The following SYT7 variants were observed in gnomAD, a reference collection of about 807,000 sequenced individuals.
SYT7 encodes synaptotagmin-7.
A neutral mutation model predicts 75.1 loss-of-function variants in SYT7; 29 were observed. The ratio of observed to expected loss-of-function variants is 0.39; its 90% CI spans 0.29 to 0.53. The LOEUF (loss-of-function observed/expected upper bound fraction) is 0.53, where lower values mean the gene tolerates loss of function less well. SYT7 is among the 20% of genes least tolerant of loss of function. The pLI, the probability that SYT7 is intolerant of heterozygous loss-of-function variation, is 0.77. For missense variants in SYT7, 693 were observed against 953.2 expected (o/e 0.73, Z 3.59); for synonymous variants, 376 against 401.7 (o/e 0.94, Z 0.76).
At chr11:61,570,773 G>A (rs198747) in intron 1 of SYT7, among the ~76,000 whole-genome samples, 10,189 of 152,240 alleles carry the variant, frequency 0.067, 454 homozygotes, top group Non-Finnish European at 0.1. Context: ...GTCTTATGGC[G>A]TTAGAGTCTG....
In SYT7 at chr11:61,524,510, C is replaced by A; in HGVS notation, c.1494G>T (p.Val498=). The change falls in exon 10 of 13, where the codon GTG becomes GTT. Residue 498 remains valine (V), a synonymous_variant. Coordinates refer to ENST00000539008, the MANE Select transcript of SYT7 (RefSeq NM_001365809.2). This position sits in a 1 kb window ranked among gnomAD's most constrained non-coding sequence, Gnocchi z 4.1. The part of the protein sequence containing the change: ...LFEGFPYEKV[V]QRILYLQVLD... ...GGACTTGGAGGTAGAGGATCCTCTG[C>A]ACCACCTTCTCATAGGGAAAACCTG... 2 of 1,601,044 alleles carry A rather than the reference C, an allele frequency of 1.2e-6. No individual in the cohort carries two copies. The highest frequency in any genetic ancestry group is 1.3e-5 in the African/African-American group (1 of 74,734).
At chr11:61,566,722 C>A (rs535054049) in intron 1 of SYT7, among the ~76,000 whole-genome samples, 19 of 152,316 alleles carry the variant, frequency 1.2e-4, no homozygotes, top group African/African-American at 4.3e-4. Flanking sequence ...GCCTTGACCA[C>A]TAGTTACTCC....
At position 61,551,655 on chromosome 11, in the gene SYT7, T is replaced by G. The variant is rs1287899861; in HGVS notation, c.136-192A>C. Among the ~76,000 whole-genome samples the G allele has an allele frequency of 6.6e-6, 1 of 152,124 alleles. No individual in the cohort carries two copies. Among genetic ancestry groups the G allele is most frequent in the Non-Finnish European group, 1.5e-5 (1 of 67,980 alleles). On this transcript the variant is annotated intron_variant, in intron 2 of 12. Coordinates refer to ENST00000539008, the MANE Select transcript of SYT7 (RefSeq NM_001365809.2). This position sits in a 1 kb window ranked among gnomAD's most constrained non-coding sequence, Gnocchi z 5.3. Reference sequence around the variant, plus strand: ...TGCCTGCTCCCCGGTTGGCAGCTCCTGGGCCCCATCGGGCTCTAGGACCTG... The same window carrying G: ...TGCCTGCTCCCCGGTTGGCAGCTCCGGGGCCCCATCGGGCTCTAGGACCTG...
the SYT7 span, among the ~76,000 whole-genome samples, chr11:61,588,116 G>C: frequency 1.3e-5 from 2 of 152,180 alleles, no homozygotes; most frequent in Admixed American, 1.3e-4. Flanking sequence ...GGAGGATGAC[G>C]GGAGGGGCCC....
intron 1 of SYT7, among the ~76,000 whole-genome samples, chr11:61,558,387 G>C (rs2063548880): frequency 6.6e-6 from 1 of 151,998 alleles, no homozygotes; most frequent in Non-Finnish European, 1.5e-5. Flanking sequence ...TCTGGCATGG[G>C]GGTTGGAGGG....
At chr11:61,556,064 G>A in intron 2 of SYT7, 40 bp downstream of exon 2, 2 of 1,560,580 alleles carry the variant, frequency 1.3e-6, no homozygotes, top group Non-Finnish European at 1.8e-6. Context: ...CAGTGTGCAG[G>A]GCTAGGCACC....
intron 2 of SYT7, among the ~76,000 whole-genome samples, chr11:61,552,039 A>G (rs1350367746): frequency 6.6e-6 from 1 of 152,074 alleles, no homozygotes; most frequent in Non-Finnish European, 1.5e-5. Context: ...AGGCAGTCTT[A>G]GGAAGAGAGA....
At chr11:61,568,328 C>T (rs78615324) in intron 1 of SYT7, among the ~76,000 whole-genome samples, 1,864 of 152,354 alleles carry the variant, frequency 0.012, 25 homozygotes, top group Admixed American at 0.019. Flanking sequence ...ACGTGAAAAG[C>T]CAGCACCCAA....
intron 6 of SYT7, chr11:61,540,455 G>A (rs1050307182): frequency 1.7e-4 from 156 of 911,344 alleles, no homozygotes; most frequent in Non-Finnish European, 2.0e-4. Context: ...ATGATCACAT[G>A]CCTCTTGCAA....
chr11:61,534,132 G>A (rs990784248), intron 7 of SYT7, among the ~76,000 whole-genome samples: 1 of 152,224 alleles, frequency 6.6e-6, no homozygotes, highest in African/African-American at 2.4e-5. Flanking sequence ...GGGTAGGTAG[G>A]GAGGAGGAGA....
chr11:61,580,783 C>G lies in SYT7; in HGVS notation c.31+7G>C. 7.8e-7 allele frequency: 1 copy of G among 1,276,822 alleles called. No homozygotes were observed. Among genetic ancestry groups the G allele is most frequent in the African/African-American group, 1.6e-5 (1 of 64,376 alleles). The allele number at this position is 1,276,822 out of a possible 1,614,324, so 79.1% of individuals were successfully genotyped here. Reference sequence around the variant, plus strand: ...GGGGCGCCCCAGCCCGCCGGGGCCGCGCTTACCTGGGCTGGCCGCCTCCGG... The same window carrying G: ...GGGGCGCCCCAGCCCGCCGGGGCCGGGCTTACCTGGGCTGGCCGCCTCCGG... On this transcript the variant is annotated splice_region_variant and intron_variant, in intron 1 of 12. Transcript: ENST00000539008. This position sits in a 1 kb window ranked among gnomAD's most constrained non-coding sequence, Gnocchi z 6.1.
rs1222981782 is a variant in SYT7 at position 61,514,334 on chromosome 11, C to T, written c.*4293G>A. Among the ~76,000 whole-genome samples, 1 of 152,230 alleles carries T rather than the reference C, an allele frequency of 6.6e-6. No homozygotes were observed. Among genetic ancestry groups the T allele is most frequent in the Admixed American group, 6.5e-5 (1 of 15,290 alleles). On this transcript the variant is annotated 3_prime_UTR_variant, in exon 13 of 13. Coordinates refer to ENST00000539008, the MANE Select transcript of SYT7 (RefSeq NM_001365809.2). Reference sequence around the variant, plus strand: ...CTGGAACAGAGATCAGAAGTGATATCTAAACCAGGTTGTGGGAAATGAGGG... The same window carrying T: ...CTGGAACAGAGATCAGAAGTGATATTTAAACCAGGTTGTGGGAAATGAGGG...
In SYT7 at chr11:61,524,350, C is replaced by A; in HGVS notation, c.1641+13G>T. 1.2e-6 allele frequency: 2 copies of A among 1,613,678 alleles called. No individual in the cohort carries two copies. The highest frequency in any genetic ancestry group is 1.1e-5 in the South Asian group (1 of 91,020). On this transcript the variant is annotated intron_variant, in intron 10 of 12. Transcript: ENST00000539008. The surrounding 1 kb of genome is among the most constrained non-coding windows in gnomAD (Gnocchi z 4.1). ...GCTGCCTGTCCAGCTAAGACCCACCCATGGGGCCTTACACTCCCATCGCTG... is the reference window on the plus strand; with the variant it reads ...GCTGCCTGTCCAGCTAAGACCCACCAATGGGGCCTTACACTCCCATCGCTG...
chr11:61,531,457 T>TG lies in SYT7; in HGVS notation c.1200+1531dup, dbSNP rs35039204. Among the ~76,000 whole-genome samples the TG allele has an allele frequency of 6.4e-3, 925 of 145,418 alleles. 9 individuals are homozygous for TG. Among genetic ancestry groups the TG allele is most frequent in the East Asian group, 6.0e-3 (30 of 5,016 alleles). ...AGAAGACAGCTGGGGCCAGTCTTCC[T>TG]GGGGGGGGGAAGATGGAAGGAGGGC... On this transcript the variant is annotated intron_variant, in intron 8 of 12. Transcript: ENST00000539008.
At chr11:61,583,419 T>C (rs1175389849), upstream of SYT7, among the ~76,000 whole-genome samples, 1 of 152,080 alleles carries the variant, frequency 6.6e-6, no homozygotes, top group African/African-American at 2.4e-5. Flanking sequence ...TTTTCAGAGT[T>C]GACAGAGAGG....
At chr11:61,564,640 G>A (rs1033137377) in intron 1 of SYT7, among the ~76,000 whole-genome samples, 7 of 152,086 alleles carry the variant, frequency 4.6e-5, no homozygotes, top group South Asian at 2.1e-4. Context: ...GGGGAGCCAC[G>A]CCTTGAAATC....
intron 1 of SYT7, among the ~76,000 whole-genome samples, chr11:61,570,898 GAAC>G (rs2063902950): frequency 6.6e-6 from 1 of 152,052 alleles, no homozygotes; most frequent in African/African-American, 2.4e-5. Context: ...CAGATAAGAA[GAAC>G]TACTACGTAC....
intron 12 of SYT7, among the ~76,000 whole-genome samples, chr11:61,519,903 C>T (rs1379839276): frequency 3.3e-5 from 5 of 152,322 alleles, no homozygotes; most frequent in Admixed American, 3.3e-4. Flanking sequence ...TCACTGCAAC[C>T]TCCGCCTCCC....
At chr11:61,561,355 T>C (rs1369090942) in intron 1 of SYT7, among the ~76,000 whole-genome samples, 2 of 152,098 alleles carry the variant, frequency 1.3e-5, no homozygotes, top group Non-Finnish European at 2.9e-5. Flanking sequence ...GGGAGTGAGG[T>C]ATGAGCTGGG....
Sources: gnomAD v4.1 joint callset for allele counts (sites outside exome capture counted in the v4.1 genomes callset) on GRCh38, gnomAD v4.1.1 for gene constraint, Gnocchi (gnomAD v3.1) non-coding constraint, MANE v1.5 for transcripts, NCBI Gene and HGNC (gene_info 2026-07-23, HGNC 2026-07-21) for gene names.